Variants in MED18 observed in about 807,000 individuals in gnomAD.
The protein encoded by MED18 is mediator complex subunit 18.
A neutral mutation model predicts 13.9 loss-of-function variants in MED18; 10 were observed. The observed-to-expected ratio is 0.72, with a 90% CI of 0.44 to 1.22. The LOEUF is 1.22. Among genes scored for constraint, MED18 ranks in the 50% most tolerant of loss-of-function variants. MED18 has a pLI of 0.00. For synonymous variants in MED18, 88 were observed against 93.2 expected, an observed-to-expected ratio of 0.94 and a Z score of 0.32; for missense variants, 216 against 279.0, an observed-to-expected ratio of 0.77 and a Z score of 1.61.
At chr1:28,329,479 G>T (rs1649634361) in intron 1 of MED18, among the ~76,000 whole-genome samples, 1 of 151,934 alleles carries the variant, frequency 6.6e-6, no homozygotes, top group South Asian at 2.1e-4. Context: ...TAGAGTCGGG[G>T]TTTCTTCATG....
At position 28,334,643 on chromosome 1, in the gene MED18, C is replaced by T; in HGVS notation, c.300C>T (p.Ala100=). The T allele has an allele frequency of 6.2e-7, 1 of 1,614,204 alleles. No homozygotes were observed. Among genetic ancestry groups the T allele is most frequent in the Non-Finnish European group, 8.5e-7 (1 of 1,180,032 alleles). The part of the protein sequence containing the change: ...QPEMGDKNRH[A]LVRNCVDIAT... ...AAATGGGAGACAAGAACCGCCATGC[C>T]CTGGTGCGAAACTGCGTGGACATTG... Residue 100 remains alanine (A), a synonymous_variant, in exon 3 of 3, where the codon GCC becomes GCT. Transcript: ENST00000373842.
At position 28,334,811 on chromosome 1, in the gene MED18, C is replaced by T. The variant is rs771728047; in HGVS notation, c.468C>T (p.Asn156=). 1.0e-4 allele frequency: 167 copies of T among 1,614,038 alleles called. No homozygotes were observed. Among genetic ancestry groups the T allele is most frequent in the Non-Finnish European group, 1.3e-4 (158 of 1,180,050 alleles). The change falls in exon 3 of 3, where the codon AAC becomes AAT. Residue 156 remains asparagine, a synonymous_variant. Coordinates refer to ENST00000373842, the MANE Select transcript of MED18 (RefSeq NM_017638.3). The part of the protein sequence containing the change: ...YKIFRILVPG[N]TDSTEALSLS... Reference sequence around the variant, plus strand: ...TTTTCCGCATCCTGGTGCCAGGGAACACAGACAGCACTGAGGCCTTGTCAC... The same window carrying T: ...TTTTCCGCATCCTGGTGCCAGGGAATACAGACAGCACTGAGGCCTTGTCAC...
rs534251136 is a variant in MED18 at position 28,330,904 on chromosome 1, C to T, written c.73+169C>T. On this transcript the variant is annotated intron_variant, in intron 2 of 2. Transcript: ENST00000373842. ...ATATGCACTAAACATACTAAATTTG[C>T]CATCTTGGCTGGGCATGGTGGCTCA... 1,047 of 440,442 alleles carry T rather than the reference C, an allele frequency of 2.4e-3. 6 individuals are homozygous for T. The highest frequency in any genetic ancestry group is 3.9e-3 in the Middle Eastern group (7 of 1,792). The allele number at this position is 440,442 out of a possible 1,614,324, so 27.3% of individuals were successfully genotyped here.
chr1:28,333,596 C>T (rs929808712), intron 2 of MED18, among the ~76,000 whole-genome samples: 13 of 152,160 alleles, frequency 8.5e-5, no homozygotes, highest in Non-Finnish European at 1.6e-4. Context: ...TGCAGTGGCT[C>T]CATGCCTGTA....
chr1:28,331,935 G>T lies in MED18; in HGVS notation c.73+1200G>T, dbSNP rs183739385. 2.5e-3 allele frequency among the ~76,000 whole-genome samples: 375 copies of T among 152,152 alleles called. 2 individuals carry two copies. Among genetic ancestry groups the T allele is most frequent in the African/African-American group, 8.3e-3 (345 of 41,546 alleles). ...TTTTTGTATTTTTAATAGAGACAGG[G>T]TTTTTCCATGTTGGCCGGGCTGGTC... is the stretch of plus-strand genomic sequence containing the variant. On this transcript the variant is annotated intron_variant, in intron 2 of 2. Transcript: ENST00000373842.
chr1:28,330,750 G>T lies in MED18; in HGVS notation c.73+15G>T, dbSNP rs1432606603. The T allele has an allele frequency of 1.9e-6, 3 of 1,577,592 alleles. No homozygotes were observed. Among genetic ancestry groups the T allele is most frequent in the Non-Finnish European group, 2.6e-6 (3 of 1,163,664 alleles). Reference sequence around the variant, plus strand: ...CCTGTTGCAGGGTAAGTGAACTAGGGAACTTGGATTACCTGTTTTCCTCTT... The same window carrying T: ...CCTGTTGCAGGGTAAGTGAACTAGGTAACTTGGATTACCTGTTTTCCTCTT... On this transcript the variant is annotated intron_variant, in intron 2 of 2. Coordinates refer to ENST00000373842, the MANE Select transcript of MED18 (RefSeq NM_017638.3).
intron 2 of MED18, among the ~76,000 whole-genome samples, chr1:28,331,028 T>C (rs1000273693): frequency 6.6e-6 from 1 of 151,916 alleles, no homozygotes; most frequent in Non-Finnish European, 1.5e-5. Context: ...CTGTCTCTAC[T>C]AAAAATACAA....
rs1649690078 is a variant in MED18, at chr1:28,330,648, T to C, written c.-15T>C. 5 of 1,603,408 alleles carry C rather than the reference T, an allele frequency of 3.1e-6. No homozygotes were observed. Among genetic ancestry groups the C allele is most frequent in the South Asian group, 1.1e-5 (1 of 89,310 alleles). On this transcript the variant is annotated 5_prime_UTR_variant, in exon 2 of 3. Coordinates refer to ENST00000373842, the MANE Select transcript of MED18 (RefSeq NM_017638.3). ...GGGCTCTGAGTCCAGTTGTGTTGTC[T>C]TCAACTTAGACACCATGGAGGCACC... is the stretch of plus-strand genomic sequence containing the variant.
chr1:28,330,275 C>CAAAAAA (rs35222016), intron 1 of MED18: 2 of 53,264 alleles, frequency 3.8e-5, no homozygotes, highest in Non-Finnish European at 3.9e-5. Context: ...AACTCCGTCT[C>CAAAAAA]AAAAAAAAAA....
chr1:28,330,122 A>T (rs931685512), intron 1 of MED18, among the ~76,000 whole-genome samples: 1 of 152,012 alleles, frequency 6.6e-6, no homozygotes, highest in Admixed American at 6.6e-5. Context: ...AAATACAAAA[A>T]AAATTAGCTG....
Position 28,335,946 on chromosome 1 carries a change from T to C in MED18, c.*976T>C, listed in dbSNP as rs550865068. Reference sequence around the variant, plus strand: ...GAGGCTGTGAGCTTGTGTTACATGGTAATAAAGCCAATGAAGAGACATGTC... The same window carrying C: ...GAGGCTGTGAGCTTGTGTTACATGGCAATAAAGCCAATGAAGAGACATGTC... On this transcript the variant is annotated 3_prime_UTR_variant, in exon 3 of 3. Transcript: ENST00000373842. 2 of 152,320 alleles carry C rather than the reference T, an allele frequency of 1.3e-5. No homozygotes were observed. The highest frequency in any genetic ancestry group is 4.8e-5 in the African/African-American group (2 of 41,576). The allele number at this position is 152,320 out of a possible 1,614,324, so 9.4% of individuals were successfully genotyped here. A position where few individuals can be genotyped will look rare whatever the true frequency, so the allele number is the denominator to read the frequency against.
In MED18 at chr1:28,335,540, G is replaced by C. The variant is rs373363282; in HGVS notation, c.*570G>C. 1 of 152,420 alleles carries C rather than the reference G, an allele frequency of 6.6e-6. No individual in the cohort carries two copies. The highest frequency in any genetic ancestry group is 1.5e-5 in the Non-Finnish European group (1 of 68,510). The allele number at this position is 152,420 out of a possible 1,614,324, so 9.4% of individuals were successfully genotyped here. On this transcript the variant is annotated 3_prime_UTR_variant, in exon 3 of 3. Transcript: ENST00000373842. ...TCCCACTGTATTAAGAGGGGAAACC[G>C]GGCCAAGCGCAGTGGCTCACACCTC...
intron 2 of MED18, 64 bp from the exon 3 acceptor site, chr1:28,334,353 T>C (rs1649849386): frequency 6.6e-7 from 1 of 1,509,864 alleles, no homozygotes; most frequent in Non-Finnish European, 8.9e-7. Context: ...GTTTTTTCAA[T>C]TGTATACTAA....
intron 2 of MED18, among the ~76,000 whole-genome samples, chr1:28,332,799 A>C (rs2149054678): frequency 6.6e-6 from 1 of 152,324 alleles, no homozygotes; most frequent in South Asian, 2.1e-4. Flanking sequence ...CAATAATTTA[A>C]TAGACCATTT....
intron 2 of MED18, among the ~76,000 whole-genome samples, chr1:28,332,038 C>T (rs1178720494): frequency 6.6e-6 from 1 of 152,158 alleles, no homozygotes; most frequent in Non-Finnish European, 1.5e-5. Context: ...CCACCGCGCC[C>T]AGCCAGATTT....
chr1:28,332,164 G>C (rs1045975463), intron 2 of MED18, among the ~76,000 whole-genome samples: 1 of 152,144 alleles, frequency 6.6e-6, no homozygotes, highest in Non-Finnish European at 1.5e-5. Flanking sequence ...TGTAATTCCA[G>C]TTGTTTGGGA....
rs1233901727 is a variant in MED18 at position 28,334,533 on chromosome 1, C to T, written c.190C>T (p.Gln64Ter). The change falls in exon 3 of 3, where the codon CAA (glutamine) becomes TAA (stop). Residue 64 changes from glutamine (Q) to a stop codon, truncating the protein, a stop_gained. Transcript: ENST00000373842. LOFTEE classifies it high-confidence loss of function. ...HEMVFLLKGQ[Q>*]ASPFVLRARR... ...GATGGTATTCCTCCTTAAGGGCCAG[C>T]AAGCCAGCCCATTTGTTCTCAGGGC... is the stretch of plus-strand genomic sequence containing the variant. 3 of 1,614,212 alleles carry T rather than the reference C, an allele frequency of 1.9e-6. No homozygotes were observed. Among genetic ancestry groups the T allele is most frequent in the African/African-American group, 1.3e-5 (1 of 75,068 alleles).
intron 1 of MED18, chr1:28,330,135 C>T (rs1649661824): frequency 6.6e-6 from 1 of 152,658 alleles, no homozygotes; most frequent in Non-Finnish European, 1.5e-5. Context: ...ATTAGCTGGG[C>T]TTGGTTGCGG....
At chr1:28,332,290 A>G (rs1649766218) in intron 2 of MED18, among the ~76,000 whole-genome samples, 1 of 151,838 alleles carries the variant, frequency 6.6e-6, no homozygotes, top group African/African-American at 2.4e-5. Context: ...GCGCACCTGT[A>G]GTCTGAACCA....
Sources: gnomAD v4.1 joint callset for allele counts (sites outside exome capture counted in the v4.1 genomes callset) on GRCh38, gnomAD v4.1.1 for gene constraint, MANE v1.5 for transcripts, NCBI Gene and HGNC (gene_info 2026-07-23, HGNC 2026-07-21) for gene names.